SATL1: variants seen among roughly 807,000 people sequenced by gnomAD.
SATL1 encodes the protein spermidine/spermine N1-acetyl transferase like 1.
SATL1 carries 47 observed loss-of-function variants against 51.8 expected under a neutral mutation model. That is an observed-to-expected ratio of 0.91 (90% CI 0.72 to 1.16). The LOEUF is 1.16. SATL1 is among the 50% of genes most tolerant of loss of function. The pLI, the probability that SATL1 is intolerant of heterozygous loss-of-function variation, is 0.00. For missense variants in SATL1, 520 were observed against 526.4 expected (o/e 0.99, Z 0.12); for synonymous variants, 176 against 182.4 (o/e 0.97, Z 0.28).
At chrX:85,167,933 G>A (rs1319245402) in intron 2 of SATL1, among the ~76,000 whole-genome samples, 4 of 109,945 alleles carry the variant, frequency 3.6e-5, no homozygotes, top group African/African-American at 1.3e-4. Context: ...TGTCCATCAC[G>A]ATCAAGTACG....
intron 2 of SATL1, among the ~76,000 whole-genome samples, chrX:85,161,262 A>T (rs923754280): frequency 9.0e-6 from 1 of 111,211 alleles, no homozygotes; most frequent in South Asian, 3.8e-4. Flanking sequence ...AGTCTGCATA[A>T]TAACATCTAA....
chrX:85,106,515 G>A (rs952874297), intron 3 of SATL1, among the ~76,000 whole-genome samples: 1 of 111,955 alleles, frequency 8.9e-6, no homozygotes, highest in South Asian at 3.7e-4. Context: ...TGAGGGCTGC[G>A]TATCTACAAT....
intron 2 of SATL1, among the ~76,000 whole-genome samples, chrX:85,222,497 C>A (rs1928196239): frequency 9.0e-6 from 1 of 110,850 alleles, no homozygotes; most frequent in Non-Finnish European, 1.9e-5. Context: ...CCAAACTTTG[C>A]CCAATATACA....
chrX:85,199,794 C>A (rs1350281985), intron 2 of SATL1, among the ~76,000 whole-genome samples: 1 of 111,429 alleles, frequency 9.0e-6, no homozygotes, highest in Non-Finnish European at 1.9e-5. Context: ...ATAAGGTTGC[C>A]AGAGGCTGTG....
At chrX:85,104,149 T>C (rs1924971254) in intron 3 of SATL1, among the ~76,000 whole-genome samples, 1 of 111,507 alleles carries the variant, frequency 9.0e-6, no homozygotes, top group Admixed American at 9.6e-5. Flanking sequence ...CTCACACATA[T>C]GAATGTTAAT....
intron 2 of SATL1, chrX:85,219,098 AAAC>A (rs777946487): frequency 2.9e-4 from 33 of 112,172 alleles, no homozygotes; most frequent in Admixed American, 2.1e-3. Context: ...TCAAAGAGAG[AAAC>A]AACACATTGG....
intron 2 of SATL1, among the ~76,000 whole-genome samples, chrX:85,220,931 C>G (rs181805804): frequency 9.0e-6 from 1 of 111,291 alleles, no homozygotes; most frequent in African/African-American, 3.3e-5. Flanking sequence ...TTCATTCTGA[C>G]ACTATCATCG....
chrX:85,222,029 T>C (rs1245650985), intron 2 of SATL1, among the ~76,000 whole-genome samples: 1 of 111,782 alleles, frequency 8.9e-6, no homozygotes, highest in Non-Finnish European at 1.9e-5. Flanking sequence ...TGTCAGAGGC[T>C]GCTATTGTAA....
chrX:85,227,119 T>C (rs1361635245), intron 1 of SATL1, among the ~76,000 whole-genome samples: 5 of 111,625 alleles, frequency 4.5e-5, no homozygotes, highest in Non-Finnish European at 3.8e-5. Context: ...ACCACACTTA[T>C]TGGTCTTAGT....
At chrX:85,189,297 G>A (rs188815731) in intron 2 of SATL1, among the ~76,000 whole-genome samples, 15 of 111,697 alleles carry the variant, frequency 1.3e-4, no homozygotes, top group African/African-American at 4.9e-4. Flanking sequence ...CTACAGGTAT[G>A]TGCCACTGTG....
At chrX:85,143,613 A>G (rs1432646281) in intron 2 of SATL1, 1 of 111,922 alleles carries the variant, frequency 8.9e-6, no homozygotes, top group East Asian at 2.8e-4. Context: ...CTAAGGAACT[A>G]GACAGTATTA....
chrX:85,099,643 A>C (rs903349969), intron 4 of SATL1, among the ~76,000 whole-genome samples: 2 of 111,668 alleles, frequency 1.8e-5, no homozygotes, highest in African/African-American at 6.5e-5. Context: ...AGGGGGAAAA[A>C]CCCACATAAT....
chrX:85,111,548 G>A (rs758159167), intron 2 of SATL1, among the ~76,000 whole-genome samples: 16 of 111,986 alleles, frequency 1.4e-4, no homozygotes, highest in South Asian at 1.1e-3. Context: ...GCCACAAGGC[G>A]GCAGTGTTAT....
intron 2 of SATL1, among the ~76,000 whole-genome samples, chrX:85,160,244 G>T (rs1402673528): frequency 1.8e-5 from 2 of 111,351 alleles, no homozygotes; most frequent in South Asian, 3.8e-4. Context: ...AAGAATCAGT[G>T]CAAGGTCTCT....
intron 2 of SATL1, among the ~76,000 whole-genome samples, chrX:85,159,294 G>C (rs1164550872): frequency 9.0e-6 from 1 of 111,689 alleles, no homozygotes; most frequent in Non-Finnish European, 1.9e-5. Context: ...ATATACAACA[G>C]GGGTCCCCAC....
chrX:85,147,872 GA>G (rs1926301532), intron 2 of SATL1, among the ~76,000 whole-genome samples: 1 of 111,425 alleles, frequency 9.0e-6, no homozygotes, highest in South Asian at 3.7e-4. Context: ...CAAAGATGGG[GA>G]AAAAACAGAG....
chrX:85,189,729 C>T (rs1927396273), intron 2 of SATL1, among the ~76,000 whole-genome samples: 1 of 112,128 alleles, frequency 8.9e-6, no homozygotes, highest in African/African-American at 3.2e-5. Context: ...AATTGGTATT[C>T]ATTGCTCTAA....
rs780120806 is a variant in SATL1, at chrX:85,175,053, T to C, written c.-313+49152A>G. On this transcript the variant is annotated intron_variant, in intron 2 of 7. Transcript: ENST00000644105. ...GTGTTGTGACAACCAGGAAGCAATT[T>C]AGAAAAAATTAATATTGGATCTATG... 5.4e-5 allele frequency among the ~76,000 whole-genome samples: 6 copies of C among 111,395 alleles called. No individual in the cohort carries two copies. The South Asian group carries it at 2.3e-3, about 42-fold the overall frequency.
At chrX:85,241,189 GA>G (rs1378849586) in intron 1 of SATL1, among the ~76,000 whole-genome samples, 1 of 110,868 alleles carries the variant, frequency 9.0e-6, no homozygotes, top group African/African-American at 3.3e-5. Flanking sequence ...ACTTAAATAT[GA>G]ACAACAGTAG....
Sources: allele counts gnomAD v4.1 joint callset (sites outside exome capture counted in the v4.1 genomes callset), GRCh38; gene constraint gnomAD v4.1.1; transcripts MANE v1.5; gene names NCBI Gene and HGNC (gene_info 2026-07-23, HGNC 2026-07-21).